The following ARPP21 variants were observed in gnomAD, a reference collection of about 807,000 sequenced individuals.
ARPP21 encodes the protein cAMP-regulated phosphoprotein 21.
In ARPP21, 69 loss-of-function variants were observed where a neutral mutation model predicts 113.2. The observed-to-expected ratio is 0.61, with a 90% CI of 0.50 to 0.74. The LOEUF (loss-of-function observed/expected upper bound fraction) is 0.74. Among genes scored for constraint, ARPP21 ranks in the 30% least tolerant of loss-of-function variants. The pLI is 0.00. For missense variants in ARPP21, 1,070 were observed against 1,037.4 expected, an observed-to-expected ratio of 1.03 and a Z score of -0.43; for synonymous variants, 368 against 375.5, an observed-to-expected ratio of 0.98 and a Z score of 0.23.
intron 1 of ARPP21, among the ~76,000 whole-genome samples, chr3:35,677,653 A>G (rs942691118): frequency 5.3e-5 from 8 of 152,126 alleles, no homozygotes; most frequent in Middle Eastern, 3.4e-3. Flanking sequence ...GCATTTATAT[A>G]TAGTCTCTTC....
chr3:35,780,282 C>A (rs2096491333), intron 19 of ARPP21, among the ~76,000 whole-genome samples: 1 of 152,114 alleles, frequency 6.6e-6, no homozygotes, highest in African/African-American at 2.4e-5. Context: ...AGATATGCTT[C>A]TTTTCCTAGA....
At chr3:35,698,377 A>C in intron 9 of ARPP21, among the ~76,000 whole-genome samples, 1 of 151,648 alleles carries the variant, frequency 6.6e-6, no homozygotes, top group Non-Finnish European at 1.5e-5. Context: ...TTGAGTGTGA[A>C]TGTATAATTA....
intron 19 of ARPP21, among the ~76,000 whole-genome samples, chr3:35,786,377 C>T (rs531097249): frequency 2.9e-4 from 44 of 152,052 alleles, no homozygotes; most frequent in African/African-American, 1.1e-3. Context: ...CAAAAATTAG[C>T]TGGGTGTGGT....
At chr3:35,678,657 T>C (rs1448933582) in intron 1 of ARPP21, among the ~76,000 whole-genome samples, 1 of 151,904 alleles carries the variant, frequency 6.6e-6, no homozygotes, top group East Asian at 1.9e-4. Context: ...TTTTCAACAG[T>C]TGCTTTCCCC....
chr3:35,649,098 G>C (rs1701395249), intron 1 of ARPP21, among the ~76,000 whole-genome samples: 1 of 152,134 alleles, frequency 6.6e-6, no homozygotes, highest in African/African-American at 2.4e-5. Flanking sequence ...GGCTAGTATA[G>C]TGCTTGCATG....
intron 19 of ARPP21, among the ~76,000 whole-genome samples, chr3:35,748,450 A>G (rs1443339229): frequency 6.6e-6 from 1 of 151,544 alleles, no homozygotes; most frequent in Non-Finnish European, 1.5e-5. Context: ...AAAGAAAGAA[A>G]AGAAAGAAAA....
rs553482372 is a variant in ARPP21 at position 35,757,040 on chromosome 3, G to C, written c.2137+13075G>C. On this transcript the variant is annotated intron_variant, in intron 19 of 20. Transcript: ENST00000684406. ...CAGTGGTGTGGTATTATGATACAGA[G>C]TTCAGAGGGTTTGAAGTGCCTTTTA... Among the ~76,000 whole-genome samples the C allele has an allele frequency of 1.0e-4, 15 of 150,504 alleles. No homozygotes were observed. In the South Asian group the frequency reaches 1.9e-3, roughly 19 times the overall value.
chr3:35,793,449 G>C (rs2096786882), intron 20 of ARPP21, among the ~76,000 whole-genome samples: 2 of 152,192 alleles, frequency 1.3e-5, no homozygotes, highest in African/African-American at 4.8e-5. Flanking sequence ...CAGTGTGCCA[G>C]GCACTGTACA....
At chr3:35,769,969 C>T (rs764287562) in intron 19 of ARPP21, among the ~76,000 whole-genome samples, 3 of 152,056 alleles carry the variant, frequency 2.0e-5, no homozygotes, top group Non-Finnish European at 4.4e-5. Context: ...GAGTATGTAG[C>T]GACGAAGAAG....
At chr3:35,759,915 A>G (rs904294051) in intron 19 of ARPP21, among the ~76,000 whole-genome samples, 3 of 152,096 alleles carry the variant, frequency 2.0e-5, no homozygotes, top group Non-Finnish European at 4.4e-5. Flanking sequence ...TATGGCCAAC[A>G]AACACTAACA....
At chr3:35,723,281 G>A (rs1322936069) in intron 14 of ARPP21, among the ~76,000 whole-genome samples, 1 of 152,124 alleles carries the variant, frequency 6.6e-6, no homozygotes, top group Non-Finnish European at 1.5e-5. Context: ...TTTGCTAATG[G>A]TTTAACATAA....
At chr3:35,690,415 T>C (rs1345657906) in intron 8 of ARPP21, among the ~76,000 whole-genome samples, 2 of 151,480 alleles carry the variant, frequency 1.3e-5, no homozygotes, top group Non-Finnish European at 3.0e-5. Context: ...AAGAGACCCT[T>C]TTCATTTTTA....
chr3:35,774,227 C>G (rs1041043087), intron 19 of ARPP21, among the ~76,000 whole-genome samples: 2 of 151,986 alleles, frequency 1.3e-5, no homozygotes, highest in Non-Finnish European at 2.9e-5. Context: ...TGCCAGCCTG[C>G]GCAACATAGC....
intron 19 of ARPP21, among the ~76,000 whole-genome samples, chr3:35,781,910 T>A (rs1433626846): frequency 6.6e-6 from 1 of 152,198 alleles, no homozygotes; most frequent in Non-Finnish European, 1.5e-5. Flanking sequence ...CAAACTTAGT[T>A]GTGTTGTTGT....
At chr3:35,708,850 G>A in intron 10 of ARPP21, 119 bp from the exon 11 acceptor site, 1 of 693,204 alleles carries the variant, frequency 1.4e-6, no homozygotes, top group Non-Finnish European at 2.5e-6. Flanking sequence ...GAGAGAATGA[G>A]ATTTTTCAGG....
chr3:35,762,126 TCACACACA>T (rs371775285), intron 19 of ARPP21, among the ~76,000 whole-genome samples: 2 of 127,036 alleles, frequency 1.6e-5, no homozygotes, highest in African/African-American at 2.8e-5. Context: ...TCTCTCTCTC[TCACACACA>T]CACACACACA....
intron 19 of ARPP21, among the ~76,000 whole-genome samples, chr3:35,781,810 A>G (rs2096532694): frequency 6.6e-6 from 1 of 152,188 alleles, no homozygotes; most frequent in Non-Finnish European, 1.5e-5. Flanking sequence ...CATGTTCCCC[A>G]ACTCTAACTA....
chr3:35,793,116 C>G (rs2096779311), intron 20 of ARPP21, among the ~76,000 whole-genome samples: 1 of 152,116 alleles, frequency 6.6e-6, no homozygotes, highest in Admixed American at 6.5e-5. Flanking sequence ...TTTAACTGTA[C>G]CAGGTGCTTC....
At chr3:35,671,059 A>T (rs1229096332) in intron 1 of ARPP21, among the ~76,000 whole-genome samples, 1 of 152,084 alleles carries the variant, frequency 6.6e-6, no homozygotes, top group African/African-American at 2.4e-5. Context: ...TATGCCATAC[A>T]TTTGCTGTAC....
Sources: allele counts gnomAD v4.1 joint callset (sites outside exome capture counted in the v4.1 genomes callset), GRCh38; gene constraint gnomAD v4.1.1; transcripts MANE v1.5; gene names NCBI Gene and HGNC (gene_info 2026-07-23, HGNC 2026-07-21).